ADAMTS12: variants seen among roughly 807,000 people sequenced by gnomAD.
ADAMTS12 encodes A disintegrin and metalloproteinase with thrombospondin motifs 12.
A neutral mutation model predicts 167.8 loss-of-function variants in ADAMTS12; 118 were observed. That is an observed-to-expected ratio of 0.70 (90% confidence interval 0.61 to 0.82). The LOEUF is 0.82. Ranked by LOEUF, ADAMTS12 falls within the 40% of genes least tolerant of loss-of-function variation. The probability of loss-of-function intolerance (pLI) is 0.00; values close to 1 mark genes in which losing one functional copy is unlikely to be tolerated. For missense variants in ADAMTS12, 1,916 were observed against 1,998.8 expected (o/e 0.96, Z 0.79); for synonymous variants, 704 against 716.9 (o/e 0.98, Z 0.29).
chr5:33,635,609 G>C (rs537265781), intron 12 of ADAMTS12, among the ~76,000 whole-genome samples: 2 of 152,140 alleles, frequency 1.3e-5, no homozygotes, highest in African/African-American at 4.8e-5. Flanking sequence ...GTCCACTGAG[G>C]GGGTAGAAAA....
intron 19 of ADAMTS12, among the ~76,000 whole-genome samples, chr5:33,567,165 A>T (rs1561130662): frequency 6.6e-6 from 1 of 152,162 alleles, no homozygotes; most frequent in Non-Finnish European, 1.5e-5. Flanking sequence ...ATATGCACAC[A>T]CACACATGTC....
intron 5 of ADAMTS12, among the ~76,000 whole-genome samples, chr5:33,678,967 A>T (rs1325474491): frequency 6.6e-6 from 1 of 152,178 alleles, no homozygotes; most frequent in African/African-American, 2.4e-5. Flanking sequence ...TTGACATGGG[A>T]GGGAGAGAAG....
At chr5:33,564,006 T>C (rs536820621) in intron 19 of ADAMTS12, among the ~76,000 whole-genome samples, 2 of 152,246 alleles carry the variant, frequency 1.3e-5, no homozygotes, top group Non-Finnish European at 2.9e-5. Flanking sequence ...TACACCTACT[T>C]ACAGTGTTAG....
intron 3 of ADAMTS12, among the ~76,000 whole-genome samples, chr5:33,701,216 T>A (rs1288484315): frequency 6.6e-6 from 1 of 152,208 alleles, no homozygotes; most frequent in East Asian, 1.9e-4. Flanking sequence ...AGGACTGTCA[T>A]CTACTAAGGG....
chr5:33,806,897 G>A (rs535032666), intron 2 of ADAMTS12, among the ~76,000 whole-genome samples: 2 of 152,248 alleles, frequency 1.3e-5, no homozygotes, highest in South Asian at 2.1e-4. Context: ...AACTGCTGAC[G>A]CCAGGTGGCT....
At chr5:33,786,221 T>A (rs1746318479) in intron 2 of ADAMTS12, among the ~76,000 whole-genome samples, 1 of 152,148 alleles carries the variant, frequency 6.6e-6, no homozygotes, top group Admixed American at 6.5e-5. Context: ...ATTTTAAAAG[T>A]GTATTGTGAT....
chr5:33,546,060 A>C lies in ADAMTS12; in HGVS notation c.4445T>G (p.Leu1482Arg). ...CCHWATGNWD[L>R]CSTSCGGGFQ... ...AAAGTATGTATAACCAAGTCTTACC[A>C]GGTCCCAGTTCCCAGTGGCCCAGTG... The change falls in exon 22 of 24, where the codon CTG becomes CGG. Residue 1482 changes from leucine to arginine, a missense_variant and splice_region_variant. Leu to Arg is a moderately radical substitution (Grantham distance 102, BLOSUM62 -2). Coordinates refer to ENST00000504830, the MANE Select transcript of ADAMTS12 (RefSeq NM_030955.4). 1 of 1,608,290 alleles carries C rather than the reference A, an allele frequency of 6.2e-7. No homozygotes were observed. The highest frequency in any genetic ancestry group is 1.3e-5 in the African/African-American group (1 of 74,590).
intron 19 of ADAMTS12, among the ~76,000 whole-genome samples, chr5:33,561,655 C>A (rs1184428093): frequency 1.3e-5 from 2 of 152,158 alleles, no homozygotes; most frequent in East Asian, 3.9e-4. Flanking sequence ...GTGGTGTATA[C>A]TTGCATTCCC....
At chr5:33,745,348 G>A (rs1409638601) in intron 3 of ADAMTS12, among the ~76,000 whole-genome samples, 1 of 152,214 alleles carries the variant, frequency 6.6e-6, no homozygotes, top group African/African-American at 2.4e-5. Flanking sequence ...AGAGTTGTGG[G>A]AAATGCCAGA....
intron 16 of ADAMTS12, among the ~76,000 whole-genome samples, chr5:33,598,192 C>T (rs1292137455): frequency 6.6e-6 from 1 of 152,104 alleles, no homozygotes; most frequent in Non-Finnish European, 1.5e-5. Flanking sequence ...CATTACTCTT[C>T]TCTCAGCAAC....
intron 1 of ADAMTS12, among the ~76,000 whole-genome samples, chr5:33,883,971 TCTC>T (rs79830195): frequency 0.036 from 5,461 of 152,220 alleles, 203 homozygotes; most frequent in East Asian, 0.17. Context: ...TGGCTGCTCT[TCTC>T]CTCTGCTACT....
At chr5:33,738,522 C>T (rs1014797141) in intron 3 of ADAMTS12, among the ~76,000 whole-genome samples, 6 of 152,174 alleles carry the variant, frequency 3.9e-5, no homozygotes, top group Non-Finnish European at 7.3e-5. Flanking sequence ...AAATGGCTTT[C>T]GGCTTTCACC....
intron 20 of ADAMTS12, among the ~76,000 whole-genome samples, chr5:33,552,714 G>C (rs916548636): frequency 2.0e-5 from 3 of 152,222 alleles, no homozygotes; most frequent in Non-Finnish European, 4.4e-5. Flanking sequence ...TCTCTATTCT[G>C]ATCTGTTGGC....
chr5:33,758,277 T>C (rs1028356309), intron 2 of ADAMTS12, among the ~76,000 whole-genome samples: 2 of 152,260 alleles, frequency 1.3e-5, no homozygotes, highest in Middle Eastern at 3.4e-3. Flanking sequence ...CTACCCCCTG[T>C]CATACTGGTG....
intron 3 of ADAMTS12, among the ~76,000 whole-genome samples, chr5:33,724,797 C>T (rs913577020): frequency 1.3e-5 from 2 of 151,904 alleles, no homozygotes; most frequent in Non-Finnish European, 2.9e-5. Flanking sequence ...GTGATCCACC[C>T]GCCTCGGCCT....
chr5:33,704,246 T>C (rs1364969919), intron 3 of ADAMTS12, among the ~76,000 whole-genome samples: 2 of 152,244 alleles, frequency 1.3e-5, no homozygotes, highest in Admixed American at 1.3e-4. Flanking sequence ...TCCATTCATC[T>C]ATTGATGGAA....
At chr5:33,767,385 T>G (rs1305148775) in intron 2 of ADAMTS12, among the ~76,000 whole-genome samples, 4 of 152,214 alleles carry the variant, frequency 2.6e-5, no homozygotes, top group Non-Finnish European at 5.9e-5. Context: ...CATTTGCTAC[T>G]GCTTTTCTTT....
chr5:33,523,742 T>C lies in ADAMTS12; in HGVS notation c.*3446A>G, dbSNP rs567254073. The C allele has an allele frequency of 6.6e-6, 1 of 152,290 alleles. No homozygotes were observed. The highest frequency in any genetic ancestry group is 1.9e-4 in the East Asian group (1 of 5,190). The allele number at this position is 152,290 out of a possible 1,614,324, so 9.4% of individuals were successfully genotyped here. A position where few individuals can be genotyped will look rare whatever the true frequency, so the allele number is the denominator to read the frequency against. ...GGACAATGATGGGTAGGATTGTGCT[T>C]TACCCACCATGTTTTTTAGTAACAT... On this transcript the variant is annotated 3_prime_UTR_variant, in exon 24 of 24. Coordinates refer to ENST00000504830, the MANE Select transcript of ADAMTS12 (RefSeq NM_030955.4).
intron 14 of ADAMTS12, among the ~76,000 whole-genome samples, chr5:33,623,699 G>A (rs1405112507): frequency 1.3e-5 from 2 of 152,200 alleles, no homozygotes; most frequent in Non-Finnish European, 2.9e-5. Context: ...GGGAGCAATT[G>A]GGAATAAACG....
Sources: gnomAD v4.1 joint callset for allele counts (sites outside exome capture counted in the v4.1 genomes callset) on GRCh38, gnomAD v4.1.1 for gene constraint, MANE v1.5 for transcripts, NCBI Gene and HGNC (gene_info 2026-07-23, HGNC 2026-07-21) for gene names.